COL26A1: variants seen among roughly 807,000 people sequenced by gnomAD.
COL26A1 encodes the protein collagen alpha-1(XXVI) chain.
COL26A1 carries 41 observed loss-of-function variants against 59.3 expected under a neutral mutation model. That is an observed-to-expected ratio of 0.69 (90% confidence interval 0.54 to 0.90). The LOEUF is 0.90. Among genes scored for constraint, COL26A1 ranks in the 40% least tolerant of loss-of-function variants. COL26A1 has a pLI of 0.00. For missense variants in COL26A1, 612 were observed against 602.3 expected (o/e 1.02, Z -0.17); for synonymous variants, 266 against 256.0 (o/e 1.04, Z -0.37).
In COL26A1 at chr7:101,414,403, T is replaced by G. The variant is rs868556795; in HGVS notation, c.159-5574T>G. On this transcript the variant is annotated intron_variant, in intron 1 of 12. Coordinates refer to ENST00000313669, the MANE Select transcript of COL26A1 (RefSeq NM_001278563.3). ...TCACCTCTCTCTCTCTCTCTCTCTC[T>G]CTCGCTCGCTCTCGCTCTCACTCTG... Among the ~76,000 whole-genome samples, 4 of 149,178 alleles carry G rather than the reference T, an allele frequency of 2.7e-5. No homozygotes were observed. In the East Asian group the frequency reaches 5.9e-4, roughly 22 times the overall value.
chr7:101,521,349 A>G (rs1795137812), intron 3 of COL26A1, among the ~76,000 whole-genome samples: 1 of 152,210 alleles, frequency 6.6e-6, no homozygotes, highest in African/African-American at 2.4e-5. Context: ...CTCATAATGC[A>G]AAATAGACTG....
rs573661818 is a variant in COL26A1 at position 101,553,628 on chromosome 7, G to C, written c.1080+252G>C. On this transcript the variant is annotated intron_variant, in intron 11 of 12. Coordinates refer to ENST00000313669, the MANE Select transcript of COL26A1 (RefSeq NM_001278563.3). Reference sequence around the variant, plus strand: ...CCACAGAGGGGGTGATTGGCCCTTGGGGGGGCTTCCCGGGACAGGGAGAGG... The same window carrying C: ...CCACAGAGGGGGTGATTGGCCCTTGCGGGGGCTTCCCGGGACAGGGAGAGG... 4.8e-4 allele frequency among the ~76,000 whole-genome samples: 72 copies of C among 151,488 alleles called. 1 individual carries two copies. The South Asian group carries it at 0.014, about 30-fold the overall frequency.
At chr7:101,480,853 T>G (rs1293654729) in intron 3 of COL26A1, among the ~76,000 whole-genome samples, 11 of 152,146 alleles carry the variant, frequency 7.2e-5, no homozygotes, top group Non-Finnish European at 1.6e-4. Flanking sequence ...TCCTTGTTTG[T>G]TTTGTAATTT....
intron 1 of COL26A1, among the ~76,000 whole-genome samples, chr7:101,378,514 TC>T (rs768865992): frequency 3.9e-5 from 6 of 152,146 alleles, no homozygotes; most frequent in Non-Finnish European, 5.9e-5. Flanking sequence ...AGAGCAAGAC[TC>T]CATCTAAAAC....
chr7:101,478,634 T>A (rs1794098301), intron 3 of COL26A1, among the ~76,000 whole-genome samples: 1 of 152,214 alleles, frequency 6.6e-6, no homozygotes, highest in Admixed American at 6.5e-5. Context: ...GTTTCCTTTT[T>A]AACTTTTTAT....
intron 11 of COL26A1, among the ~76,000 whole-genome samples, chr7:101,553,626 TGGG>T (rs565739948): frequency 2.0e-5 from 3 of 151,698 alleles, no homozygotes; most frequent in Admixed American, 2.0e-4. Context: ...GATTGGCCCT[TGGG>T]GGGGCTTCCC....
intron 3 of COL26A1, among the ~76,000 whole-genome samples, chr7:101,455,842 C>T (rs1793458007): frequency 6.6e-6 from 1 of 151,890 alleles, no homozygotes; most frequent in South Asian, 2.1e-4. Context: ...GCCACCAGGC[C>T]TGGCTAATAT....
chr7:101,363,153 G>T lies in COL26A1; in HGVS notation c.121G>T (p.Gly41Cys). 6.6e-7 allele frequency: 1 copy of T among 1,511,840 alleles called. No individual in the cohort carries two copies. The highest frequency in any genetic ancestry group is 1.2e-5 in the South Asian group (1 of 81,752). The allele number at this position is 1,511,840 out of a possible 1,614,324, so 93.7% of individuals were successfully genotyped here. Reference sequence around the variant, plus strand: ...GCAGCAGCACGGCTACCCCGAGCCCGGCGCCGGCTCCCCTGGCAGCGGCTA... The same window carrying T: ...GCAGCAGCACGGCTACCCCGAGCCCTGCGCCGGCTCCCCTGGCAGCGGCTA... ...ALQQHGYPEPGAGSPGSGYAS... is the reference protein window; with the variant it reads ...ALQQHGYPEPCAGSPGSGYAS... The change falls in exon 1 of 13, where the codon GGC (glycine) becomes TGC (cysteine). Residue 41 changes from glycine (G) to cysteine (C), a missense_variant. Coordinates refer to ENST00000313669, the MANE Select transcript of COL26A1 (RefSeq NM_001278563.3).
chr7:101,376,167 C>A (rs1791314610), intron 1 of COL26A1, among the ~76,000 whole-genome samples: 1 of 149,698 alleles, frequency 6.7e-6, no homozygotes, highest in South Asian at 2.1e-4. Context: ...TAGAAACTAG[C>A]CAGGTGTGGT....
At position 101,447,660 on chromosome 7, in the gene COL26A1, C is replaced by T. The variant is rs1239561203; in HGVS notation, c.282-24C>T. ...AGGTGGGTGGGTGGGAGCTCATGCC[C>T]CCCTGACGCTGTCTGTGTGTTAGTT... is the stretch of plus-strand genomic sequence containing the variant. On this transcript the variant is annotated intron_variant, in intron 2 of 12. Coordinates refer to ENST00000313669, the MANE Select transcript of COL26A1 (RefSeq NM_001278563.3). The T allele has an allele frequency of 2.7e-6, 4 of 1,484,790 alleles. No individual in the cohort carries two copies. The African/African-American group carries it at 4.2e-5, about 15-fold the overall frequency. The allele number at this position is 1,484,790 out of a possible 1,614,324, so 92.0% of individuals were successfully genotyped here.
chr7:101,425,967 T>C (rs1429966638), intron 2 of COL26A1, among the ~76,000 whole-genome samples: 2 of 151,716 alleles, frequency 1.3e-5, no homozygotes, highest in Non-Finnish European at 1.5e-5. Flanking sequence ...GCTGGGACCA[T>C]AGGTGTGTGC....
chr7:101,526,560 C>T (rs1052358620), intron 3 of COL26A1, among the ~76,000 whole-genome samples: 6 of 152,204 alleles, frequency 3.9e-5, no homozygotes, highest in African/African-American at 1.4e-4. Context: ...TTTCCATTTC[C>T]CTGCAATAAC....
At chr7:101,539,843 CTA>C (rs1795569974) in intron 4 of COL26A1, 48 bp from the exon 5 acceptor site, 1 of 1,575,478 alleles carries the variant, frequency 6.3e-7, no homozygotes, top group African/African-American at 1.4e-5. Context: ...ACGCATGTCC[CTA>C]TGTGTCAGGC....
chr7:101,504,834 T>C (rs1023096529), intron 3 of COL26A1, among the ~76,000 whole-genome samples: 6 of 152,258 alleles, frequency 3.9e-5, no homozygotes, highest in African/African-American at 1.4e-4. Flanking sequence ...TGTATGTGTG[T>C]GTGTATGCCT....
intron 3 of COL26A1, among the ~76,000 whole-genome samples, chr7:101,517,179 G>A (rs1275990266): frequency 6.6e-6 from 1 of 152,116 alleles, no homozygotes; most frequent in Non-Finnish European, 1.5e-5. Flanking sequence ...GCTGAGCCCA[G>A]GCTGCCAAAT....
chr7:101,467,942 T>C (rs1363880116), intron 3 of COL26A1, among the ~76,000 whole-genome samples: 2 of 152,180 alleles, frequency 1.3e-5, no homozygotes, highest in African/African-American at 4.8e-5. Flanking sequence ...CCCTTTTCTA[T>C]TGGCACGGCT....
rs562783746 is a variant in COL26A1 at position 101,498,964 on chromosome 7, A to G, written c.386-34118A>G. ...CCGCACAAAACTGTGCATTAATGAA[A>G]GTTTTGACAAAGAGATTTCATTTTG... On this transcript the variant is annotated intron_variant, in intron 3 of 12. Transcript: ENST00000313669. 2.0e-4 allele frequency among the ~76,000 whole-genome samples: 30 copies of G among 152,310 alleles called. No individual in the cohort carries two copies. In the South Asian group the frequency reaches 6.0e-3, roughly 31 times the overall value.
chr7:101,417,246 GTT>G (rs1212970929), intron 1 of COL26A1, among the ~76,000 whole-genome samples: 1 of 151,968 alleles, frequency 6.6e-6, no homozygotes, highest in Non-Finnish European at 1.5e-5. Flanking sequence ...CCATTAGCTT[GTT>G]TCTGTTTCCT....
chr7:101,472,960 T>C (rs1793940207), intron 3 of COL26A1, among the ~76,000 whole-genome samples: 1 of 152,230 alleles, frequency 6.6e-6, no homozygotes, highest in Admixed American at 6.5e-5. Context: ...TAGTTATTTA[T>C]TGCCTGGGCC....
Sources: allele counts gnomAD v4.1 joint callset (sites outside exome capture counted in the v4.1 genomes callset), GRCh38; gene constraint gnomAD v4.1.1; transcripts MANE v1.5; gene names NCBI Gene and HGNC (gene_info 2026-07-23, HGNC 2026-07-21).